Variants in ZNF630 observed in about 807,000 individuals in gnomAD.
ZNF630 encodes the protein dJ54B20.2 (novel KRAB box containing C2H2 type zinc finger protein).
In ZNF630, 5 loss-of-function variants were observed where a neutral mutation model predicts 7.2. That is an observed-to-expected ratio of 0.70 (90% CI 0.36 to 1.46). The LOEUF is 1.46. ZNF630 is among the 40% of genes most tolerant of loss of function. ZNF630 has a pLI of 0.03. For synonymous variants in ZNF630, 158 were observed against 162.8 expected, an observed-to-expected ratio of 0.97 and a Z score of 0.23; for missense variants, 461 against 477.0, an observed-to-expected ratio of 0.97 and a Z score of 0.31.
Position 48,066,973 on chromosome X carries a change from C to T in ZNF630, c.-87G>A. ...TCAAGCTGAGTTAACCACTCTTCAA[C>T]AGCTGGATGTGACAATGTGTTGCTT... On this transcript the variant is annotated 5_prime_UTR_variant, in exon 2 of 5. Transcript: ENST00000276054. The T allele has an allele frequency of 1.0e-6, 1 of 978,747 alleles. No individual in the cohort carries two copies. Among genetic ancestry groups the T allele is most frequent in the Non-Finnish European group, 1.4e-6 (1 of 694,941 alleles). 80.7% of individuals were successfully genotyped at this position (978,747 alleles called of 1,213,427 possible).
chrX:48,058,230 A>C lies in ZNF630; in HGVS notation c.*238T>G. On this transcript the variant is annotated 3_prime_UTR_variant, in exon 5 of 5. Coordinates refer to ENST00000276054, the MANE Select transcript of ZNF630 (RefSeq NM_001282201.2). Reference sequence around the variant, plus strand: ...ACACCAAAGTAGTGCTAATTCTTCCAGATACATTTATTCTGTGAAGAGGGC... The same window carrying C: ...ACACCAAAGTAGTGCTAATTCTTCCCGATACATTTATTCTGTGAAGAGGGC... 3.4e-6 allele frequency: 1 copy of C among 296,067 alleles called. No individual in the cohort carries two copies. Among genetic ancestry groups the C allele is most frequent in the South Asian group, 1.9e-4 (1 of 5,403 alleles). The allele number at this position is 296,067 out of a possible 1,213,427, so 24.4% of individuals were successfully genotyped here.
rs1439183493 is a variant in ZNF630, at chrX:48,059,641, C to G, written c.801G>C (p.Met267Ile). ...ACTTCTTGATAAAGGCTTTCCCACACATACTACAAACATTGGGTTTCTCTC... is the reference window on the plus strand; with the variant it reads ...ACTTCTTGATAAAGGCTTTCCCACAGATACTACAAACATTGGGTTTCTCTC... ...QAREKPNVCSMCGKAFIKKSQ... is the reference protein window; with the variant it reads ...QAREKPNVCSICGKAFIKKSQ... The change falls in exon 5 of 5, where the codon ATG becomes ATC. Residue 267 changes from methionine (M) to isoleucine (I), a missense_variant. Physicochemically the swap from Met to Ile is conservative, Grantham distance 10. Transcript: ENST00000276054. The G allele has an allele frequency of 8.3e-7, 1 of 1,208,723 alleles. No homozygotes were observed. Among genetic ancestry groups the G allele is most frequent in the Non-Finnish European group, 1.1e-6 (1 of 893,292 alleles).
Position 48,067,536 on chromosome X carries a change from G to A in ZNF630, c.-175-475C>T, listed in dbSNP as rs982300435. On this transcript the variant is annotated intron_variant, in intron 1 of 4. Coordinates refer to ENST00000276054, the MANE Select transcript of ZNF630 (RefSeq NM_001282201.2). Reference sequence around the variant, plus strand: ...AAAGTCATTGAACTGCATACAGGCCGGGTGCGGTGGGCCAGCACGTTGGAA... The same window carrying A: ...AAAGTCATTGAACTGCATACAGGCCAGGTGCGGTGGGCCAGCACGTTGGAA... Among the ~76,000 whole-genome samples the A allele has an allele frequency of 8.0e-5, 9 of 111,838 alleles. 1 individual carries two copies. The highest frequency in any genetic ancestry group is 2.9e-4 in the African/African-American group (9 of 30,657).
At chrX:48,064,271 G>T (rs1338538014) in intron 2 of ZNF630, among the ~76,000 whole-genome samples, 2 of 111,360 alleles carry the variant, frequency 1.8e-5, no homozygotes, top group African/African-American at 6.6e-5. Flanking sequence ...GTATATAAAA[G>T]AAAAACTAGA....
chrX:48,068,503 G>A (rs782670560), intron 1 of ZNF630, among the ~76,000 whole-genome samples: 2 of 112,262 alleles, frequency 1.8e-5, no homozygotes, highest in Admixed American at 1.9e-4. Flanking sequence ...CACTGGCTGT[G>A]TTCCAATTAA....
Position 48,060,864 on chromosome X carries a change from G to A in ZNF630, c.97C>T (p.His33Tyr). ...QQLNPAQKTL[H>Y]RDVMLETYNH... ...TAGGTCTCCAGCATCACATCCCTAT[G>A]CAGGGTCTTCTGAGCAGGATTCAAC... The change falls in exon 3 of 5, where the codon CAT becomes TAT. Residue 33 changes from histidine to tyrosine, a missense_variant. Physicochemically the swap from His to Tyr is moderately conservative, Grantham distance 83. Coordinates refer to ENST00000276054, the MANE Select transcript of ZNF630 (RefSeq NM_001282201.2). The A allele has an allele frequency of 7.5e-6, 9 of 1,205,947 alleles. 1 individual carries two copies. The highest frequency in any genetic ancestry group is 1.0e-5 in the Non-Finnish European group (9 of 891,621).
In ZNF630 at chrX:48,061,843, A is replaced by G. The variant is rs1026769358; in HGVS notation, c.16-898T>C. ...CCTGAGGCTTCCCCACCCCCGTGGAACTGTGAGTCAATTAAACCTCTCTCC... is the reference window on the plus strand; with the variant it reads ...CCTGAGGCTTCCCCACCCCCGTGGAGCTGTGAGTCAATTAAACCTCTCTCC... On this transcript the variant is annotated intron_variant, in intron 2 of 4. Coordinates refer to ENST00000276054, the MANE Select transcript of ZNF630 (RefSeq NM_001282201.2). 2.7e-5 allele frequency: 8 copies of G among 300,625 alleles called. No individual in the cohort carries two copies. The East Asian group carries it at 4.4e-4, about 16-fold the overall frequency. The allele number at this position is 300,625 out of a possible 1,213,427, so 24.8% of individuals were successfully genotyped here. A position where few individuals can be genotyped will look rare whatever the true frequency, so the allele number is the denominator to read the frequency against.
intron 2 of ZNF630, chrX:48,066,564 T>C: frequency 3.4e-6 from 1 of 294,694 alleles, no homozygotes; most frequent in Non-Finnish European, 5.9e-6. Flanking sequence ...ATAAAATTCC[T>C]CAAGTTAAAG....
intron 1 of ZNF630, among the ~76,000 whole-genome samples, chrX:48,067,314 A>G (rs1029744897): frequency 4.5e-5 from 5 of 112,102 alleles, no homozygotes; most frequent in African/African-American, 1.6e-4. Flanking sequence ...GATAATCATG[A>G]AAGTTTGAAC....
chrX:48,068,082 AG>A (rs1280003913), intron 1 of ZNF630, among the ~76,000 whole-genome samples: 11 of 104,820 alleles, frequency 1.0e-4, no homozygotes, highest in African/African-American at 3.2e-4. Flanking sequence ...CAAGAAAGGC[AG>A]GAAGGAAGGC....
chrX:48,069,856 G>GTT (rs376876554), intron 1 of ZNF630, among the ~76,000 whole-genome samples: 3 of 87,140 alleles, frequency 3.4e-5, no homozygotes, highest in Admixed American at 1.3e-4. Flanking sequence ...TTTTTTTTTT[G>GTT]TTTTTTGTTT....
intron 2 of ZNF630, among the ~76,000 whole-genome samples, chrX:48,062,942 A>G (rs1376720705): frequency 1.2e-5 from 1 of 83,079 alleles, no homozygotes; most frequent in Non-Finnish European, 2.4e-5. Context: ...CCCTGTCTCA[A>G]AAAGAAAGAA....
chrX:48,059,905 A>C lies in ZNF630; in HGVS notation c.537T>G (p.Asp179Glu), dbSNP rs782128375. 9 of 1,208,100 alleles carry C rather than the reference A, an allele frequency of 7.4e-6. No individual in the cohort carries two copies. In the East Asian group the frequency reaches 2.7e-4, roughly 36 times the overall value. Residue 179 changes from aspartate (D) to glutamate (E), a missense_variant, in exon 5 of 5, where the codon GAT becomes GAG. Asp to Glu is a conservative substitution (Grantham distance 45). Coordinates refer to ENST00000276054, the MANE Select transcript of ZNF630 (RefSeq NM_001282201.2). ...TAGACTTCAAGCTATTTTCACATGA[A>C]TCAAACTTATGGAATTTTTGACTTA... ...APLSQKFHKFDSCENSLKSNS... is the reference protein window; with the variant it reads ...APLSQKFHKFESCENSLKSNS...
At chrX:48,061,293 T>C (rs782273304) in intron 2 of ZNF630, among the ~76,000 whole-genome samples, 14 of 110,944 alleles carry the variant, frequency 1.3e-4, no homozygotes, top group East Asian at 5.6e-4. Context: ...AGAGAAACTA[T>C]AAAATAAAGA....
chrX:48,060,881 G>A lies in ZNF630; in HGVS notation c.80C>T (p.Pro27Leu). ...ATCCCTATGCAGGGTCTTCTGAGCA[G>A]GATTCAACTGCTGCCACTCTTCCTG... ...FTQEEWQQLN[P>L]AQKTLHRDVM... Residue 27 changes from proline to leucine, a missense_variant, in exon 3 of 5, where the codon CCT becomes CTT. Physicochemically the swap from Pro to Leu is moderately conservative, Grantham distance 98. Transcript: ENST00000276054. The A allele has an allele frequency of 8.3e-7, 1 of 1,205,730 alleles. No homozygotes were observed. Among genetic ancestry groups the A allele is most frequent in the South Asian group, 1.8e-5 (1 of 56,407 alleles).
chrX:48,070,080 G>A (rs1228331864), intron 1 of ZNF630, among the ~76,000 whole-genome samples: 5 of 106,501 alleles, frequency 4.7e-5, no homozygotes, highest in Non-Finnish European at 9.7e-5. Flanking sequence ...GGATGGTCTC[G>A]ATTTCCTGAC....
At position 48,059,647 on chromosome X, in the gene ZNF630, A is replaced by G; in HGVS notation, c.795T>C (p.Cys265=). The change falls in exon 5 of 5, where the codon TGT becomes TGC. Residue 265 remains cysteine, a synonymous_variant. Transcript: ENST00000276054. ...TGATAAAGGCTTTCCCACACATACTACAAACATTGGGTTTCTCTCTGGCTT... is the reference window on the plus strand; with the variant it reads ...TGATAAAGGCTTTCCCACACATACTGCAAACATTGGGTTTCTCTCTGGCTT... The part of the protein sequence containing the change: ...KFQAREKPNV[C]SMCGKAFIKK... 1 of 1,207,068 alleles carries G rather than the reference A, an allele frequency of 8.3e-7. No individual in the cohort carries two copies. The highest frequency in any genetic ancestry group is 1.1e-6 in the Non-Finnish European group (1 of 893,045).
At chrX:48,060,334 A>C in intron 4 of ZNF630, 116 bp downstream of exon 4, 4 of 988,445 alleles carry the variant, frequency 4.0e-6, no homozygotes, top group Non-Finnish European at 4.1e-6. Context: ...GCTGTTGTAG[A>C]ATGAATGTTA....
At position 48,060,800 on chromosome X, in the gene ZNF630, A is replaced by G; in HGVS notation, c.142+19T>C. The stretch of plus-strand genomic sequence containing the variant: ...TGAGGAGGATTTGATTCATTGGTAC[A>G]CAGGGAATCTGCCCTTACCCACGGA... On this transcript the variant is annotated intron_variant, in intron 3 of 4. Transcript: ENST00000276054. 1 of 1,182,949 alleles carries G rather than the reference A, an allele frequency of 8.5e-7. No individual in the cohort carries two copies. Among genetic ancestry groups the G allele is most frequent in the Non-Finnish European group, 1.1e-6 (1 of 878,023 alleles).
Sources: allele counts gnomAD v4.1 joint callset (sites outside exome capture counted in the v4.1 genomes callset), GRCh38; gene constraint gnomAD v4.1.1; transcripts MANE v1.5; gene names NCBI Gene and HGNC (gene_info 2026-07-23, HGNC 2026-07-21).